AGAP1: variants seen among roughly 807,000 people sequenced by gnomAD.
AGAP1 encodes the protein ArfGAP with GTPase domain, ankyrin repeat and PH domain 1.
A neutral mutation model predicts 105.3 loss-of-function variants in AGAP1; 29 were observed. The ratio of observed to expected loss-of-function variants is 0.28; its 90% CI spans 0.21 to 0.38. The LOEUF (loss-of-function observed/expected upper bound fraction) is 0.38. AGAP1 is among the 10% of genes least tolerant of loss of function. AGAP1 has a pLI of 1.00. For synonymous variants in AGAP1, 509 were observed against 485.9 expected (o/e 1.05, Z -0.63); for missense variants, 998 against 1,165.1 (o/e 0.86, Z 2.09).
rs149258781 is a variant in AGAP1 at position 236,000,918 on chromosome 2, G to A, written c.1645+32295G>A. Among the ~76,000 whole-genome samples the A allele has an allele frequency of 0.013, 1,928 of 152,294 alleles. 29 individuals carry two copies. The highest frequency in any genetic ancestry group is 0.019 in the Non-Finnish European group (1,314 of 68,026). ...GGGCCAAGCGAGGGAGGCAGATGCCGCGTGGCGTGAGGAGGGTGAGAGTCC... is the reference window on the plus strand; with the variant it reads ...GGGCCAAGCGAGGGAGGCAGATGCCACGTGGCGTGAGGAGGGTGAGAGTCC... On this transcript the variant is annotated intron_variant, in intron 13 of 17. Coordinates refer to ENST00000304032, the MANE Select transcript of AGAP1 (RefSeq NM_001037131.3). The surrounding 1 kb of genome is among the most constrained non-coding windows in gnomAD (Gnocchi z 4.3).
chr2:235,648,697 C>T (rs1452037689), intron 1 of AGAP1, among the ~76,000 whole-genome samples: 1 of 124,838 alleles, frequency 8.0e-6, no homozygotes, highest in Non-Finnish European at 1.6e-5. Context: ...CATGGTGAAA[C>T]CCCATCTCTA....
chr2:235,536,186 C>G (rs1943214565), intron 1 of AGAP1, among the ~76,000 whole-genome samples: 2 of 78,282 alleles, frequency 2.6e-5, no homozygotes. Flanking sequence ...CACAGCAGGA[C>G]CCCGGGGTTT....
Position 235,957,880 on chromosome 2 carries a change from C to T in AGAP1, c.1484-10582C>T, listed in dbSNP as rs916650183. 1.3e-5 allele frequency among the ~76,000 whole-genome samples: 2 copies of T among 152,182 alleles called. No homozygotes were observed. The highest frequency in any genetic ancestry group is 6.5e-5 in the Admixed American group (1 of 15,280). On this transcript the variant is annotated intron_variant, in intron 12 of 17. Transcript: ENST00000304032. This position sits in a 1 kb window ranked among gnomAD's most constrained non-coding sequence, Gnocchi z 4.6. ...AACTGATTTCCTCTCCTGGCACCTA[C>T]AAATGGGCCTGTCTTTGATAATTTT...
chr2:235,711,107 C>T (rs192602904), intron 2 of AGAP1, among the ~76,000 whole-genome samples: 16 of 152,336 alleles, frequency 1.1e-4, no homozygotes, highest in Admixed American at 5.9e-4. Flanking sequence ...ACTTTCTCGA[C>T]GGTAAAAACC....
At chr2:236,111,858 A>T (rs902572687) in intron 16 of AGAP1, among the ~76,000 whole-genome samples, 2 of 151,980 alleles carry the variant, frequency 1.3e-5, no homozygotes, top group African/African-American at 2.4e-5. Flanking sequence ...GAACACACAG[A>T]CCTGCCCATG....
Position 235,733,727 on chromosome 2 carries a change from A to G in AGAP1, c.311-7236A>G, listed in dbSNP as rs1052091948. Among the ~76,000 whole-genome samples, 10 of 152,336 alleles carry G rather than the reference A, an allele frequency of 6.6e-5. No homozygotes were observed. The South Asian group carries it at 2.1e-3, about 32-fold the overall frequency. On this transcript the variant is annotated intron_variant, in intron 3 of 17. Coordinates refer to ENST00000304032, the MANE Select transcript of AGAP1 (RefSeq NM_001037131.3). The surrounding 1 kb of genome is among the most constrained non-coding windows in gnomAD (Gnocchi z 5.0). ...TTAAGTGCTCACTTCACTGCGGGTCAGAACCCCGGAGTGTTTCACCCATGG... is the reference window on the plus strand; with the variant it reads ...TTAAGTGCTCACTTCACTGCGGGTCGGAACCCCGGAGTGTTTCACCCATGG...
rs571725945 is a variant in AGAP1 at position 235,904,528 on chromosome 2, C to T, written c.1156-4210C>T. 2.0e-4 allele frequency among the ~76,000 whole-genome samples: 30 copies of T among 152,280 alleles called. No homozygotes were observed. The highest frequency in any genetic ancestry group is 4.1e-4 in the South Asian group (2 of 4,826). ...TACTTGGCTTTGAATTACCCTCACG[C>T]CTTGTTAAAGGGTTTTTCCTCTTTT... is the stretch of plus-strand genomic sequence containing the variant. On this transcript the variant is annotated intron_variant, in intron 10 of 17. Transcript: ENST00000304032. This position sits in a 1 kb window ranked among gnomAD's most constrained non-coding sequence, Gnocchi z 4.2.
At chr2:235,808,901 G>C (rs1957983007) in intron 9 of AGAP1, among the ~76,000 whole-genome samples, 1 of 152,006 alleles carries the variant, frequency 6.6e-6, no homozygotes, top group Non-Finnish European at 1.5e-5. Context: ...ATTCTTTCTT[G>C]GTGCCTTTAT....
rs948586453 is a variant in AGAP1 at position 235,714,448 on chromosome 2, G to A, written c.223-3109G>A. Among the ~76,000 whole-genome samples, 5 of 151,926 alleles carry A rather than the reference G, an allele frequency of 3.3e-5. No individual in the cohort carries two copies. Among genetic ancestry groups the A allele is most frequent in the East Asian group, 1.9e-4 (1 of 5,142 alleles). ...TGAACTGATAGTAAGAGTAGGTTTC[G>A]GGGAATGATTGATATGGAAAGCTTT... On this transcript the variant is annotated intron_variant, in intron 2 of 17. Coordinates refer to ENST00000304032, the MANE Select transcript of AGAP1 (RefSeq NM_001037131.3). The surrounding 1 kb of genome is among the most constrained non-coding windows in gnomAD (Gnocchi z 4.1).
At chr2:235,629,194 TAATCGTCTCC>T (rs1946739928) in intron 1 of AGAP1, among the ~76,000 whole-genome samples, 1 of 152,100 alleles carries the variant, frequency 6.6e-6, no homozygotes, top group South Asian at 2.1e-4. Flanking sequence ...TTACTCAGAA[TAATCGTCTCC>T]AATCTCATCC....
rs973630374 is a variant in AGAP1 at position 235,551,029 on chromosome 2, C to T, written c.163+56180C>T. On this transcript the variant is annotated intron_variant, in intron 1 of 17. Transcript: ENST00000304032. This position sits in a 1 kb window ranked among gnomAD's most constrained non-coding sequence, Gnocchi z 4.8. ...CCTCAAGTGATCCACCCACCTCGGC[C>T]TCTGAAAGTGCTGGGATTACAGGCG... Among the ~76,000 whole-genome samples the T allele has an allele frequency of 2.6e-5, 4 of 152,182 alleles. No individual in the cohort carries two copies. Among genetic ancestry groups the T allele is most frequent in the Non-Finnish European group, 5.9e-5 (4 of 68,036 alleles).
intron 1 of AGAP1, among the ~76,000 whole-genome samples, chr2:235,666,755 T>C (rs1559325482): frequency 1.3e-5 from 2 of 151,704 alleles, no homozygotes; most frequent in African/African-American, 4.9e-5. Context: ...GTTTTAGCCC[T>C]GAAGGAATAC....
At chr2:235,749,744 A>G (rs183889890) in intron 5 of AGAP1, among the ~76,000 whole-genome samples, 1 of 152,214 alleles carries the variant, frequency 6.6e-6, no homozygotes, top group African/African-American at 2.4e-5. Context: ...TCCCGGCATC[A>G]GTTAACAGTG....
At chr2:235,514,201 A>G (rs1942281817) in intron 1 of AGAP1, among the ~76,000 whole-genome samples, 1 of 152,144 alleles carries the variant, frequency 6.6e-6, no homozygotes, top group African/African-American at 2.4e-5. Context: ...CTCTCAGAGA[A>G]TGTTGATGTG....
chr2:235,704,254 C>T (rs1950411497), intron 1 of AGAP1, among the ~76,000 whole-genome samples: 1 of 152,212 alleles, frequency 6.6e-6, no homozygotes, highest in South Asian at 2.1e-4. Flanking sequence ...AATTCCCGCT[C>T]TTGGAGTTTT....
chr2:235,942,465 G>A (rs2053305266), intron 12 of AGAP1, among the ~76,000 whole-genome samples: 1 of 152,062 alleles, frequency 6.6e-6, no homozygotes. Context: ...ATCACCTGAG[G>A]TTGGGAGTTT....
At chr2:235,839,080 G>A (rs774820183) in intron 9 of AGAP1, among the ~76,000 whole-genome samples, 3 of 152,194 alleles carry the variant, frequency 2.0e-5, no homozygotes, top group Non-Finnish European at 4.4e-5. Context: ...TCATGTGACC[G>A]AGGTCTGAGC....
intron 8 of AGAP1, among the ~76,000 whole-genome samples, chr2:235,802,992 ATGG>A (rs1363226316): frequency 8.3e-5 from 9 of 108,946 alleles, no homozygotes; most frequent in South Asian, 6.4e-4. Context: ...GATGGTTGTG[ATGG>A]TGGTGATGGT....
At chr2:235,547,034 GA>G (rs1296134437) in intron 1 of AGAP1, among the ~76,000 whole-genome samples, 4 of 152,228 alleles carry the variant, frequency 2.6e-5, no homozygotes, top group Admixed American at 6.5e-5. Context: ...CTTCCCCACA[GA>G]GATCTGGGAG....
Sources: gnomAD v4.1 joint callset for allele counts (sites outside exome capture counted in the v4.1 genomes callset) on GRCh38, gnomAD v4.1.1 for gene constraint, Gnocchi (gnomAD v3.1) non-coding constraint, MANE v1.5 for transcripts, NCBI Gene and HGNC (gene_info 2026-07-23, HGNC 2026-07-21) for gene names.